COP1: variants seen among roughly 807,000 people sequenced by gnomAD.
The protein encoded by COP1 is COP1 E3 ubiquitin ligase, also known as E3 ubiquitin-protein ligase COP1.
A neutral mutation model predicts 101.3 loss-of-function variants in COP1; 24 were observed. The observed-to-expected ratio is 0.24, with a 90% CI of 0.17 to 0.33. The LOEUF (loss-of-function observed/expected upper bound fraction) is 0.33, where lower values mean the gene tolerates loss of function less well. COP1 is among the 10% of genes least tolerant of loss of function. The pLI is 1.00. For missense variants in COP1, 663 were observed against 906.2 expected, an observed-to-expected ratio of 0.73 and a Z score of 3.45; for synonymous variants, 347 against 341.9, an observed-to-expected ratio of 1.01 and a Z score of -0.17.
At chr1:176,046,416 T>TTTATCCTTG in intron 11 of COP1, 92 bp from the exon 12 acceptor site, 1 of 1,150,186 alleles carries the variant, frequency 8.7e-7, no homozygotes, top group Non-Finnish European at 1.2e-6. Context: ...AAGATCTACT[T>TTTATCCTTG]TAAATACCTT....
chr1:176,109,534 T>G (rs1364742284), intron 9 of COP1, among the ~76,000 whole-genome samples: 1 of 152,216 alleles, frequency 6.6e-6, no homozygotes, highest in Non-Finnish European at 1.5e-5. Context: ...CATTAACTTC[T>G]GAATAATTCA....
chr1:175,983,279 G>C (rs1018107832), intron 18 of COP1, among the ~76,000 whole-genome samples: 5 of 152,306 alleles, frequency 3.3e-5, no homozygotes, highest in African/African-American at 9.6e-5. Context: ...GGGACCCAGT[G>C]GGAGGTAAAT....
At chr1:176,012,247 C>T (rs993971462) in intron 15 of COP1, among the ~76,000 whole-genome samples, 4 of 152,214 alleles carry the variant, frequency 2.6e-5, no homozygotes, top group Non-Finnish European at 5.9e-5. Flanking sequence ...GAATTTCCCA[C>T]CTCAGCCTTC....
chr1:176,153,780 GA>G (rs1693007711), intron 5 of COP1, among the ~76,000 whole-genome samples: 1 of 152,130 alleles, frequency 6.6e-6, no homozygotes, highest in Admixed American at 6.5e-5. Context: ...CTAGTTTATT[GA>G]GAGTTTTTAA....
chr1:176,008,765 T>C (rs1664049331), intron 15 of COP1, among the ~76,000 whole-genome samples: 1 of 152,200 alleles, frequency 6.6e-6, no homozygotes, highest in Non-Finnish European at 1.5e-5. Flanking sequence ...GTTTAATGAC[T>C]TCCCTGGGAC....
chr1:176,143,146 A>AGAGAGAG (rs1553286862), intron 6 of COP1, among the ~76,000 whole-genome samples: 9 of 66,602 alleles, frequency 1.4e-4, no homozygotes, highest in African/African-American at 3.8e-4. Flanking sequence ...GAGCGAGAGA[A>AGAGAGAG]AGAGAGAGAG....
chr1:176,129,948 G>A (rs1249589905), intron 8 of COP1, among the ~76,000 whole-genome samples: 2 of 151,690 alleles, frequency 1.3e-5, no homozygotes, highest in Non-Finnish European at 3.0e-5. Context: ...CTCATACTAA[G>A]CTAATGGCTT....
chr1:175,976,267 A>ATTTTTTTT (rs1225101059), intron 18 of COP1, among the ~76,000 whole-genome samples: 40 of 41,730 alleles, frequency 9.6e-4, no homozygotes, highest in Non-Finnish European at 1.6e-3. Context: ...TCAATTAGTC[A>ATTTTTTTT]TTCTTTTTTT....
intron 15 of COP1, among the ~76,000 whole-genome samples, chr1:176,023,112 T>C (rs1405636716): frequency 6.6e-6 from 1 of 152,190 alleles, no homozygotes; most frequent in African/African-American, 2.4e-5. Context: ...ATAGTGCCAC[T>C]AGCTGAGAAA....
intron 18 of COP1, among the ~76,000 whole-genome samples, chr1:175,976,875 G>T (rs1210852524): frequency 2.0e-5 from 3 of 152,036 alleles, no homozygotes; most frequent in African/African-American, 7.2e-5. Flanking sequence ...TTTGAAAGTT[G>T]TAACAAGTCT....
chr1:176,116,867 T>TTACCACTTCAACC (rs1686277382), intron 8 of COP1, among the ~76,000 whole-genome samples, 186 bp from the exon 9 acceptor site: 1 of 152,108 alleles, frequency 6.6e-6, no homozygotes, highest in Non-Finnish European at 1.5e-5. Flanking sequence ...TTTAAGCAAT[T>TTACCACTTCAACC]TACCACTTCA....
At position 175,988,583 on chromosome 1, in the gene COP1, A is replaced by C. The variant is rs907644630; in HGVS notation, c.1848-171T>G. ...CGTGGTGGCTCACGCTTGTATTCCA[A>C]GCAATTTGGTAGGCCGAGGCAGGTG... On this transcript the variant is annotated intron_variant, in intron 16 of 19. Transcript: ENST00000367669. 3 of 546,968 alleles carry C rather than the reference A, an allele frequency of 5.5e-6. No homozygotes were observed. In the African/African-American group the frequency reaches 5.7e-5, roughly 10 times the overall value. The allele number at this position is 546,968 out of a possible 1,614,324, so 33.9% of individuals were successfully genotyped here. A position where few individuals can be genotyped will look rare whatever the true frequency, so the allele number is the denominator to read the frequency against.
At chr1:176,125,500 T>C (rs1687854426) in intron 8 of COP1, among the ~76,000 whole-genome samples, 2 of 152,332 alleles carry the variant, frequency 1.3e-5, no homozygotes, top group South Asian at 4.1e-4. Context: ...CCCCAATTTA[T>C]GTTCTTAGCA....
chr1:176,045,822 C>CA (rs1671423340), intron 12 of COP1, among the ~76,000 whole-genome samples: 2 of 151,914 alleles, frequency 1.3e-5, no homozygotes, highest in African/African-American at 4.8e-5. Flanking sequence ...GAGATATGTG[C>CA]AGGCTAGGGG....
At chr1:175,974,406 T>C (rs1330025430) in intron 18 of COP1, among the ~76,000 whole-genome samples, 1 of 152,200 alleles carries the variant, frequency 6.6e-6, no homozygotes, top group Admixed American at 6.5e-5. Flanking sequence ...AGTAAGTCAA[T>C]GCAATAGACT....
intron 6 of COP1, among the ~76,000 whole-genome samples, chr1:176,139,065 C>A (rs566627734): frequency 6.6e-6 from 1 of 151,490 alleles, no homozygotes; most frequent in Non-Finnish European, 1.5e-5. Context: ...CTACAAGGAA[C>A]GTAAATAAAT....
At chr1:176,084,907 G>A (rs1374501206) in intron 10 of COP1, among the ~76,000 whole-genome samples, 2 of 150,984 alleles carry the variant, frequency 1.3e-5, no homozygotes, top group African/African-American at 4.9e-5. Flanking sequence ...TTAATGACCT[G>A]AATTAATTGA....
chr1:175,946,314 CGT>C (rs1649166998), intron 19 of COP1, among the ~76,000 whole-genome samples: 1 of 152,116 alleles, frequency 6.6e-6, no homozygotes, highest in South Asian at 2.1e-4. Context: ...AGTTCTTCTG[CGT>C]TAAGTTTGCT....
At chr1:176,079,603 A>C (rs2149390040) in intron 11 of COP1, among the ~76,000 whole-genome samples, 1 of 152,200 alleles carries the variant, frequency 6.6e-6, no homozygotes, top group African/African-American at 2.4e-5. Context: ...ATACCCATGT[A>C]ACAAACCTGC....
Sources: gnomAD v4.1 joint callset for allele counts (sites outside exome capture counted in the v4.1 genomes callset) on GRCh38, gnomAD v4.1.1 for gene constraint, MANE v1.5 for transcripts, NCBI Gene and HGNC (gene_info 2026-07-23, HGNC 2026-07-21) for gene names.